PIP4K2A: variants seen among roughly 807,000 people sequenced by gnomAD.
PIP4K2A encodes the protein phosphatidylinositol 5-phosphate 4-kinase type-2 alpha.
Under a neutral mutation model 42.9 loss-of-function variants are expected in PIP4K2A, and 14 were observed. The ratio of observed to expected loss-of-function variants is 0.33; its 90% CI spans 0.22 to 0.51. The LOEUF is 0.51. Ranked by LOEUF, PIP4K2A falls within the 20% of genes least tolerant of loss-of-function variation. The pLI is 0.97. For synonymous variants in PIP4K2A, 192 were observed against 192.2 expected, an observed-to-expected ratio of 1.00 and a Z score of 0.01; for missense variants, 434 against 519.8, an observed-to-expected ratio of 0.83 and a Z score of 1.61.
At chr10:22,627,522 G>T (rs1838465379) in intron 1 of PIP4K2A, among the ~76,000 whole-genome samples, 1 of 140,322 alleles carries the variant, frequency 7.1e-6, no homozygotes. Context: ...GCCTTTCCCT[G>T]CTCATCAAGA....
At chr10:22,633,114 C>CAG (rs1228027725) in intron 1 of PIP4K2A, among the ~76,000 whole-genome samples, 2 of 152,200 alleles carry the variant, frequency 1.3e-5, no homozygotes, top group African/African-American at 4.8e-5. Flanking sequence ...AGTAGGAAAG[C>CAG]AGAGGCTGAG....
chr10:22,539,033 C>T (rs973052245), intron 9 of PIP4K2A, among the ~76,000 whole-genome samples: 3 of 152,148 alleles, frequency 2.0e-5, no homozygotes, highest in African/African-American at 4.8e-5. Flanking sequence ...CCAGGGAATA[C>T]ATTCATCTGT....
At chr10:22,702,662 C>T (rs1833735749) in intron 1 of PIP4K2A, among the ~76,000 whole-genome samples, 1 of 152,192 alleles carries the variant, frequency 6.6e-6, no homozygotes, top group African/African-American at 2.4e-5. Flanking sequence ...CTCTCTAACA[C>T]ACTGCACAAC....
chr10:22,568,441 G>A (rs1334991631), intron 5 of PIP4K2A, among the ~76,000 whole-genome samples: 1 of 152,108 alleles, frequency 6.6e-6, no homozygotes, highest in Non-Finnish European at 1.5e-5. Flanking sequence ...TTCCTTGCTT[G>A]CTATACATCA....
chr10:22,567,163 T>C (rs965842305), intron 6 of PIP4K2A, among the ~76,000 whole-genome samples: 4 of 152,212 alleles, frequency 2.6e-5, no homozygotes, highest in African/African-American at 9.6e-5. Context: ...TATATAAGCA[T>C]GTGTTGACTT....
At chr10:22,669,209 T>C (rs1000815968) in intron 1 of PIP4K2A, among the ~76,000 whole-genome samples, 2 of 152,056 alleles carry the variant, frequency 1.3e-5, no homozygotes, top group African/African-American at 2.4e-5. Context: ...AAAAGGAAAT[T>C]AGAAGAGACC....
intron 3 of PIP4K2A, among the ~76,000 whole-genome samples, chr10:22,602,394 TAA>T (rs71395805): frequency 3.9e-5 from 4 of 101,340 alleles, no homozygotes; most frequent in East Asian, 3.4e-4. Context: ...ACTCTGTCTA[TAA>T]AAAAAAAAAA....
intron 1 of PIP4K2A, among the ~76,000 whole-genome samples, chr10:22,713,445 G>T (rs550982141): frequency 6.6e-6 from 1 of 152,040 alleles, no homozygotes; most frequent in Non-Finnish European, 1.5e-5. Context: ...TCCCCAAAGT[G>T]GGGGGAGGCG....
chr10:22,585,515 G>A (rs1045825815), intron 4 of PIP4K2A, among the ~76,000 whole-genome samples: 3 of 152,108 alleles, frequency 2.0e-5, no homozygotes, highest in Admixed American at 2.0e-4. Flanking sequence ...ATTTTCATAA[G>A]GTATTTCTTG....
At chr10:22,586,003 AT>A (rs1837387466) in intron 4 of PIP4K2A, among the ~76,000 whole-genome samples, 1 of 152,232 alleles carries the variant, frequency 6.6e-6, no homozygotes, top group Non-Finnish European at 1.5e-5. Flanking sequence ...AGATAAAAAG[AT>A]ATTCAAGTAG....
chr10:22,539,886 G>GGGGGGAGAGAGA lies in PIP4K2A; in HGVS notation c.1140+84_1140+85insTCTCTCTCCCCC, dbSNP rs1390963717. 3 of 692,094 alleles carry GGGGGGAGAGAGA rather than the reference G, an allele frequency of 4.3e-6. No homozygotes were observed. The African/African-American group carries it at 8.3e-5, about 19-fold the overall frequency. The allele number at this position is 692,094 out of a possible 1,614,324, so 42.9% of individuals were successfully genotyped here. A position where few individuals can be genotyped will look rare whatever the true frequency, so the allele number is the denominator to read the frequency against. On this transcript the variant is annotated intron_variant, in intron 9 of 9. Transcript: ENST00000376573. ...AGTTACAGGTCACACAGAGGAGCCA[G>GGGGGGAGAGAGA]GAGAGAGAGAGAGAGAGAGAGAGAG...
chr10:22,569,000 T>C (rs1417116860), intron 5 of PIP4K2A: 44 of 1,529,952 alleles, frequency 2.9e-5, no homozygotes, highest in Non-Finnish European at 3.8e-5. Context: ...AGCCATTCAT[T>C]AAATGAACTT....
intron 6 of PIP4K2A, among the ~76,000 whole-genome samples, chr10:22,562,800 A>G (rs185407125): frequency 6.6e-6 from 1 of 152,162 alleles, no homozygotes; most frequent in East Asian, 1.9e-4. Context: ...AGGATTCCCA[A>G]GCCCTTTGTT....
In PIP4K2A at chr10:22,664,172, T is replaced by TATATACATAC. The variant is rs1564460233; in HGVS notation, c.144+50010_144+50011insGTATGTATAT. 4.6e-4 allele frequency among the ~76,000 whole-genome samples: 34 copies of TATATACATAC among 73,954 alleles called. 1 individual carries two copies. Among genetic ancestry groups the TATATACATAC allele is most frequent in the Non-Finnish European group, 6.8e-4 (30 of 43,814 alleles). 48.5% of individuals were successfully genotyped at this position (73,954 alleles called of 152,430 possible). A position where few individuals can be genotyped will look rare whatever the true frequency, so the allele number is the denominator to read the frequency against. ...ATATACACATATATATATATACATA[T>TATATACATAC]ATATATATACATATATATACATATA... On this transcript the variant is annotated intron_variant, in intron 1 of 9. Coordinates refer to ENST00000376573, the MANE Select transcript of PIP4K2A (RefSeq NM_005028.5).
At chr10:22,682,970 T>C (rs1383707203) in intron 1 of PIP4K2A, among the ~76,000 whole-genome samples, 1 of 152,230 alleles carries the variant, frequency 6.6e-6, no homozygotes, top group African/African-American at 2.4e-5. Context: ...TGTCACCTGC[T>C]GTCTTCTTTA....
In PIP4K2A at chr10:22,536,352, C is replaced by G; in HGVS notation, c.*849G>C. The G allele has an allele frequency of 3.3e-6, 1 of 305,452 alleles. No individual in the cohort carries two copies. Among genetic ancestry groups the G allele is most frequent in the Non-Finnish European group, 5.5e-6 (1 of 182,762 alleles). The allele number at this position is 305,452 out of a possible 1,614,324, so 18.9% of individuals were successfully genotyped here. A position where few individuals can be genotyped will look rare whatever the true frequency, so the allele number is the denominator to read the frequency against. ...TCCTATATTGCAACGTAAGGGTGAA[C>G]AATGAAGGCTCCAGGCAAGAAAAGA... On this transcript the variant is annotated 3_prime_UTR_variant, in exon 10 of 10. Transcript: ENST00000376573.
chr10:22,555,150 G>A (rs1382427315), intron 6 of PIP4K2A, among the ~76,000 whole-genome samples: 2 of 152,210 alleles, frequency 1.3e-5, no homozygotes, highest in Non-Finnish European at 1.5e-5. Context: ...CCGACCCCAG[G>A]TCGACTAGGC....
At chr10:22,566,765 C>T (rs1337972715) in intron 6 of PIP4K2A, among the ~76,000 whole-genome samples, 1 of 152,204 alleles carries the variant, frequency 6.6e-6, no homozygotes, top group Admixed American at 6.5e-5. Context: ...TCACCTCCTC[C>T]AGGAAGCCCT....
intron 1 of PIP4K2A, among the ~76,000 whole-genome samples, chr10:22,692,230 C>T (rs117508898): frequency 0.03 from 4,567 of 151,962 alleles, 108 homozygotes; most frequent in Non-Finnish European, 0.044. Flanking sequence ...AGATTGCTCA[C>T]GTGTGCAGTT....
Sources: allele counts gnomAD v4.1 joint callset (sites outside exome capture counted in the v4.1 genomes callset), GRCh38; gene constraint gnomAD v4.1.1; transcripts MANE v1.5; gene names NCBI Gene and HGNC (gene_info 2026-07-23, HGNC 2026-07-21).